Variants in LCT observed in about 807,000 individuals in gnomAD.
The protein encoded by LCT is lactase/phlorizin hydrolase.
In LCT, 90 loss-of-function variants were observed where a neutral mutation model predicts 173.0. The observed-to-expected ratio is 0.52, with a 90% CI of 0.44 to 0.62. The LOEUF (loss-of-function observed/expected upper bound fraction) is 0.62. LCT is among the 20% of genes least tolerant of loss of function. The pLI is 0.00. For synonymous variants in LCT, 853 were observed against 957.6 expected, an observed-to-expected ratio of 0.89 and a Z score of 2.02; for missense variants, 1,864 against 2,431.4, an observed-to-expected ratio of 0.77 and a Z score of 4.91.
intron 7 of LCT, among the ~76,000 whole-genome samples, chr2:135,811,799 G>GGTCA (rs1558739213): frequency 6.6e-5 from 10 of 152,008 alleles, no homozygotes; most frequent in African/African-American, 2.4e-4. Context: ...AAGGACACTG[G>GGTCA]GTCAGGCATG....
At chr2:135,821,128 G>T (rs915036380) in intron 5 of LCT, among the ~76,000 whole-genome samples, 1 of 152,106 alleles carries the variant, frequency 6.6e-6, no homozygotes, top group African/African-American at 2.4e-5. Context: ...TGATCCACCC[G>T]CCTCAGCCTC....
Position 135,788,466 on chromosome 2 carries a change from T to C in LCT, c.5642A>G (p.Gln1881Arg). ...LGLMLGTTEA[Q>R]TALYVLFSLV... ...AGAAAAGAGAACGTACAAAGCTGTCTGTGCTTCTGTGGTGCCGAGCATTAG... is the reference window on the plus strand; with the variant it reads ...AGAAAAGAGAACGTACAAAGCTGTCCGTGCTTCTGTGGTGCCGAGCATTAG... The change falls in exon 17 of 17, where the codon CAG (glutamine) becomes CGG (arginine). Residue 1881 changes from glutamine (Q) to arginine (R), a missense_variant. Physicochemically the swap from Gln to Arg is conservative, Grantham distance 43. Coordinates refer to ENST00000264162, the MANE Select transcript of LCT (RefSeq NM_002299.4). 1 of 1,613,642 alleles carries C rather than the reference T, an allele frequency of 6.2e-7. No homozygotes were observed. Among genetic ancestry groups the C allele is most frequent in the South Asian group, 1.1e-5 (1 of 91,054 alleles).
At position 135,790,165 on chromosome 2, in the gene LCT, G is replaced by C. The variant is rs1455594789; in HGVS notation, c.5336-367C>G. 1.3e-5 allele frequency among the ~76,000 whole-genome samples: 2 copies of C among 152,194 alleles called. No individual in the cohort carries two copies. Among genetic ancestry groups the C allele is most frequent in the African/African-American group, 4.8e-5 (2 of 41,454 alleles). On this transcript the variant is annotated intron_variant, in intron 15 of 16. Coordinates refer to ENST00000264162, the MANE Select transcript of LCT (RefSeq NM_002299.4). The surrounding 1 kb of genome is among the most constrained non-coding windows in gnomAD (Gnocchi z 4.1). ...TAGCCCTTAGATAGAATATATTTCA[G>C]CTGGGTAGGATTTTTCTAATCATTT...
At chr2:135,788,902 A>T (rs1036109152) in intron 16 of LCT, among the ~76,000 whole-genome samples, 5 of 152,212 alleles carry the variant, frequency 3.3e-5, no homozygotes, top group African/African-American at 1.2e-4. Flanking sequence ...TGAAATTCAT[A>T]TATGTTTTAT....
Position 135,804,972 on chromosome 2 carries a change from G to A in LCT, c.4259C>T (p.Ala1420Val), listed in dbSNP as rs2077658020. Residue 1420 changes from alanine to valine, a missense_variant, in exon 10 of 17, where the codon GCC becomes GTC. By Grantham distance (64) the Ala-to-Val change is moderately conservative (BLOSUM62 0). Around this residue, in one of 4 missense-constraint regions of LCT, gnomAD observed 514 missense variants for 750.1 expected, o/e 0.69. Transcript: ENST00000264162. ...SHTPLRVEND[A>V]IGDVACDSYH... ...ACTGTCACAGGCCACGTCTCCAATGGCATCGTTCTCAACCCTCAGTGGTGT... is the reference window on the plus strand; with the variant it reads ...ACTGTCACAGGCCACGTCTCCAATGACATCGTTCTCAACCCTCAGTGGTGT... The A allele has an allele frequency of 6.2e-7, 1 of 1,614,024 alleles. No homozygotes were observed. Among genetic ancestry groups the A allele is most frequent in the Admixed American group, 1.7e-5 (1 of 60,000 alleles).
intron 7 of LCT, 114 bp downstream of exon 7, chr2:135,812,197 G>A: frequency 2.3e-6 from 2 of 887,130 alleles, no homozygotes; most frequent in South Asian, 1.3e-5. Flanking sequence ...CCACTATTAT[G>A]CTTTCTTTGG....
intron 14 of LCT, among the ~76,000 whole-genome samples, chr2:135,793,364 G>A (rs2077548609): frequency 6.6e-6 from 1 of 152,160 alleles, no homozygotes; most frequent in South Asian, 2.1e-4. Context: ...AGACCCAGAA[G>A]GGCAATGGCA....
intron 14 of LCT, among the ~76,000 whole-genome samples, chr2:135,793,894 C>A (rs2105519673): frequency 6.6e-6 from 1 of 151,572 alleles, no homozygotes; most frequent in Non-Finnish European, 1.5e-5. Flanking sequence ...CATGGAGAAA[C>A]CCTGTCTCTA....
chr2:135,814,887 A>G (rs1251521102), intron 6 of LCT, among the ~76,000 whole-genome samples: 1 of 152,126 alleles, frequency 6.6e-6, no homozygotes, highest in Admixed American at 6.5e-5. Context: ...ATCAAAATTC[A>G]TATGTTGAAG....
chr2:135,836,954 CAGGAA>C lies in LCT; in HGVS notation c.211_215del (p.Phe71AlafsTer16). 3.7e-6 allele frequency: 6 copies of C among 1,614,116 alleles called. No homozygotes were observed. The highest frequency in any genetic ancestry group is 5.1e-6 in the Non-Finnish European group (6 of 1,180,008). On this transcript the variant is annotated frameshift_variant, in exon 1 of 17. Transcript: ENST00000264162. LOFTEE classifies it high-confidence loss of function. ...CATGGAGACTGCTGAAGTATTCTGG[CAGGAA>C]AGTGGGCAGTGGCTGGTGACAAACA...
At chr2:135,791,249 C>T (rs1421284479) in intron 14 of LCT, among the ~76,000 whole-genome samples, 1 of 152,218 alleles carries the variant, frequency 6.6e-6, no homozygotes, top group Non-Finnish European at 1.5e-5. Context: ...GACGCCAGTG[C>T]TGTGTCTTCA....
At chr2:135,799,120 T>G (rs1249819732) in intron 12 of LCT, among the ~76,000 whole-genome samples, 1 of 152,196 alleles carries the variant, frequency 6.6e-6, no homozygotes, top group African/African-American at 2.4e-5. Context: ...TCAAAACTGT[T>G]TCCCCAGCTG....
At chr2:135,800,365 C>A (rs1310422368) in intron 12 of LCT, among the ~76,000 whole-genome samples, 1 of 152,128 alleles carries the variant, frequency 6.6e-6, no homozygotes, top group African/African-American at 2.4e-5. Context: ...GCAGCTGGGA[C>A]TATAGGTGTG....
Position 135,789,949 on chromosome 2 carries a change from CT to C in LCT, c.5336-152del, listed in dbSNP as rs1349555043. The C allele has an allele frequency of 2.4e-5, 17 of 712,578 alleles. No homozygotes were observed. In the Admixed American group the frequency reaches 2.7e-4, roughly 11 times the overall value. 44.1% of individuals were successfully genotyped at this position (712,578 alleles called of 1,614,324 possible). ...CTTTAGCTCTGTGAGAAAGCTGCCCCTTTCTTTGCATGCAGTGACTGTTAGC... is the reference window on the plus strand; with the variant it reads ...CTTTAGCTCTGTGAGAAAGCTGCCCCTTCTTTGCATGCAGTGACTGTTAGC... On this transcript the variant is annotated intron_variant, in intron 15 of 16. Coordinates refer to ENST00000264162, the MANE Select transcript of LCT (RefSeq NM_002299.4).
chr2:135,813,359 GGTCAACAATATCAA>G (rs766018558), intron 6 of LCT, among the ~76,000 whole-genome samples: 30 of 151,992 alleles, frequency 2.0e-4, no homozygotes, highest in Non-Finnish European at 3.4e-4. Context: ...AATGTGAAAA[GGTCAACAATATCAA>G]GTCAACAATG....
chr2:135,807,179 G>A lies in LCT; in HGVS notation c.4122C>T (p.Tyr1374=), dbSNP rs557321611. Residue 1374 remains tyrosine, a synonymous_variant, in exon 9 of 17, where the codon TAC becomes TAT. Coordinates refer to ENST00000264162, the MANE Select transcript of LCT (RefSeq NM_002299.4). ...AGATGAAGCCCTCAGGAAACCGTCC[G>A]TACAGAAACTCATCCTCCCTGGCCA... is the stretch of plus-strand genomic sequence containing the variant. ...MPLAREDEFL[Y]GRFPEGFIWS... is the part of the protein sequence containing the mutation. 9.5e-5 allele frequency: 154 copies of A among 1,614,206 alleles called. 3 individuals carry two copies. The South Asian group carries it at 1.4e-3, about 15-fold the overall frequency.
intron 9 of LCT, among the ~76,000 whole-genome samples, 187 bp from the exon 10 acceptor site, chr2:135,805,244 G>A (rs754357907): frequency 3.9e-5 from 6 of 152,020 alleles, no homozygotes; most frequent in East Asian, 1.9e-4. Context: ...AGGATCGCTT[G>A]AGCCCAGGAG....
At chr2:135,795,614 TA>T (rs1559549189) in intron 13 of LCT, among the ~76,000 whole-genome samples, 46 of 86,308 alleles carry the variant, frequency 5.3e-4, no homozygotes, top group East Asian at 1.7e-3. Context: ...CTAATAATAA[TA>T]ATAATAATAA....
chr2:135,795,448 A>C (rs1258259105), intron 13 of LCT, among the ~76,000 whole-genome samples: 3 of 151,818 alleles, frequency 2.0e-5, no homozygotes, highest in African/African-American at 7.3e-5. Context: ...ACCTCAAGTG[A>C]TCCGCCCACC....
Sources: gnomAD v4.1 joint callset for allele counts (sites outside exome capture counted in the v4.1 genomes callset) on GRCh38, gnomAD v4.1.1 for gene constraint, gnomAD v4.1.1 regional missense constraint, Gnocchi (gnomAD v3.1) non-coding constraint, MANE v1.5 for transcripts, NCBI Gene and HGNC (gene_info 2026-07-23, HGNC 2026-07-21) for gene names.